Variants in XRN2 observed in about 807,000 individuals in gnomAD.
XRN2 encodes 5'-3' exoribonuclease 2.
In XRN2, 44 loss-of-function variants were observed where a neutral mutation model predicts 138.5. The observed-to-expected ratio is 0.32, with a 90% CI of 0.25 to 0.41. The LOEUF (loss-of-function observed/expected upper bound fraction) is 0.41. XRN2 is among the 10% of genes least tolerant of loss of function. The pLI is 1.00. For missense variants in XRN2, 937 were observed against 1,169.3 expected (o/e 0.80, Z 2.90); for synonymous variants, 354 against 369.4 (o/e 0.96, Z 0.48).
At chr20:21,315,712 T>C (rs1161901857) in intron 1 of XRN2, among the ~76,000 whole-genome samples, 2 of 152,138 alleles carry the variant, frequency 1.3e-5, no homozygotes, top group Non-Finnish European at 2.9e-5. Context: ...CAGGCTGGTC[T>C]CGAATCAACT....
At chr20:21,327,092 A>G (rs1236954190) in intron 3 of XRN2, among the ~76,000 whole-genome samples, 1 of 152,292 alleles carries the variant, frequency 6.6e-6, no homozygotes, top group East Asian at 1.9e-4. Flanking sequence ...AGATTTCTCA[A>G]ATGTGGCAGG....
chr20:21,340,880 T>G (rs933887263), intron 15 of XRN2, 28 bp downstream of exon 15: 3 of 1,613,106 alleles, frequency 1.9e-6, no homozygotes, highest in Non-Finnish European at 2.5e-6. Flanking sequence ...ATGTGACATT[T>G]AAGAGTGGTG....
chr20:21,357,009 A>G (rs1248989312), intron 23 of XRN2, among the ~76,000 whole-genome samples: 1 of 152,214 alleles, frequency 6.6e-6, no homozygotes, highest in East Asian at 1.9e-4. Flanking sequence ...ATAGAAGCAG[A>G]GGAGAGTAGC....
In XRN2 at chr20:21,348,309, T is replaced by C. The variant is rs372739160; in HGVS notation, c.1774-32T>C. The C allele has an allele frequency of 1.6e-5, 26 of 1,612,212 alleles. No homozygotes were observed. The African/African-American group carries it at 2.0e-4, about 12-fold the overall frequency. The stretch of plus-strand genomic sequence containing the variant: ...TATAGAATTCTGGATTAGATAATAA[T>C]CTTGGGTCTTTAATGTTTTTTCTTT... On this transcript the variant is annotated intron_variant, in intron 18 of 29. Transcript: ENST00000377191.
chr20:21,368,559 A>G lies in XRN2; in HGVS notation c.2553A>G (p.Arg851=), dbSNP rs1324211144. The G allele has an allele frequency of 6.2e-7, 1 of 1,614,080 alleles. No homozygotes were observed. The highest frequency in any genetic ancestry group is 1.3e-5 in the African/African-American group (1 of 75,054). ...GAAACTTATACAGGCCGCTTTTGAG[A>G]GGACAAGCCCAGATTCCAAAACTTA... The part of the protein sequence containing the change: ...YQGNLYRPLL[R]GQAQIPKLMS... Residue 851 remains arginine (R), a synonymous_variant, in exon 27 of 30, where the codon AGA becomes AGG. Coordinates refer to ENST00000377191, the MANE Select transcript of XRN2 (RefSeq NM_012255.5).
intron 1 of XRN2, among the ~76,000 whole-genome samples, chr20:21,321,078 C>T (rs142699061): frequency 0.012 from 1,829 of 152,094 alleles, 19 homozygotes; most frequent in Non-Finnish European, 0.02. Flanking sequence ...TGCAGTAGTG[C>T]GATCTTGGCC....
intron 28 of XRN2, among the ~76,000 whole-genome samples, 193 bp downstream of exon 28, chr20:21,382,250 T>C (rs754062287): frequency 1.9e-4 from 29 of 152,220 alleles, no homozygotes; most frequent in Non-Finnish European, 3.1e-4. Context: ...TTTAATATAC[T>C]TTCTTACTTT....
intron 1 of XRN2, among the ~76,000 whole-genome samples, chr20:21,313,266 TAC>T (rs1303445661): frequency 6.6e-6 from 1 of 152,226 alleles, no homozygotes; most frequent in Non-Finnish European, 1.5e-5. Context: ...TGCTGCTCCC[TAC>T]AGTTTCCCCC....
chr20:21,362,634 C>A (rs1388195288), intron 24 of XRN2, among the ~76,000 whole-genome samples: 1 of 152,168 alleles, frequency 6.6e-6, no homozygotes, highest in African/African-American at 2.4e-5. Context: ...TGACTACTTG[C>A]AAAGGCATCA....
At chr20:21,357,881 TG>T in intron 24 of XRN2, 89 bp downstream of exon 24, 1 of 1,131,072 alleles carries the variant, frequency 8.8e-7, no homozygotes, top group Non-Finnish European at 1.3e-6. Flanking sequence ...CACAAGGAAA[TG>T]GCAGCTGTTA....
intron 24 of XRN2, among the ~76,000 whole-genome samples, chr20:21,360,086 T>C (rs1401672100): frequency 6.6e-6 from 1 of 152,154 alleles, no homozygotes; most frequent in East Asian, 1.9e-4. Context: ...ACCTAGGAGA[T>C]CATATTTTTT....
At chr20:21,347,729 G>T (rs969679495) in intron 17 of XRN2, among the ~76,000 whole-genome samples, 2 of 152,192 alleles carry the variant, frequency 1.3e-5, no homozygotes, top group Admixed American at 6.5e-5. Context: ...TTCAACTGCT[G>T]TTCCAATAAT....
At chr20:21,324,765 C>T (rs1057403413) in intron 1 of XRN2, among the ~76,000 whole-genome samples, 2 of 152,196 alleles carry the variant, frequency 1.3e-5, no homozygotes, top group African/African-American at 4.8e-5. Flanking sequence ...TCCGAAGTAG[C>T]TGAGACTACC....
rs535993430 is a variant in XRN2 at position 21,381,243 on chromosome 20, A to G, written c.2585-751A>G. ...CCTCACATGGTGAACTCATTAGACA[A>G]CTTCTGGAACCAGCAGTTTTAATTA... On this transcript the variant is annotated intron_variant, in intron 27 of 29. Coordinates refer to ENST00000377191, the MANE Select transcript of XRN2 (RefSeq NM_012255.5). 2.4e-3 allele frequency among the ~76,000 whole-genome samples: 365 copies of G among 152,328 alleles called. 1 individual carries two copies. The highest frequency in any genetic ancestry group is 4.3e-3 in the Non-Finnish European group (294 of 68,034).
chr20:21,304,432 G>T (rs1476375887), intron 1 of XRN2, among the ~76,000 whole-genome samples: 1 of 145,224 alleles, frequency 6.9e-6, no homozygotes, highest in African/African-American at 2.6e-5. Flanking sequence ...ACTATTTCTT[G>T]TTTTTTTCAA....
At chr20:21,339,267 C>T (rs1401297940) in intron 14 of XRN2, among the ~76,000 whole-genome samples, 179 bp downstream of exon 14, 2 of 152,156 alleles carry the variant, frequency 1.3e-5, no homozygotes, top group African/African-American at 4.8e-5. Flanking sequence ...AGAAGGTCCT[C>T]TAGGCTCTGA....
In XRN2 at chr20:21,326,483, A is replaced by G. The variant is rs368037588; in HGVS notation, c.204-7A>G. On this transcript the variant is annotated splice_region_variant and splice_polypyrimidine_tract_variant and intron_variant, in intron 2 of 29. Transcript: ENST00000377191. ...TATTATATTACATTGTTTGGTTGTCATTATAGACCAGCACCAAAAAATGAA... is the reference window on the plus strand; with the variant it reads ...TATTATATTACATTGTTTGGTTGTCGTTATAGACCAGCACCAAAAAATGAA... 1.2e-6 allele frequency: 2 copies of G among 1,613,826 alleles called. No individual in the cohort carries two copies. The highest frequency in any genetic ancestry group is 1.3e-5 in the African/African-American group (1 of 74,930).
intron 27 of XRN2, among the ~76,000 whole-genome samples, chr20:21,374,198 C>A (rs148380708): frequency 3.2e-4 from 49 of 152,114 alleles, no homozygotes; most frequent in African/African-American, 1.1e-3. Flanking sequence ...TTACTAGATT[C>A]ATTTCTTCTA....
intron 27 of XRN2, among the ~76,000 whole-genome samples, chr20:21,375,187 A>AT (rs760188095): frequency 0.016 from 2,219 of 142,490 alleles, 18 homozygotes; most frequent in Non-Finnish European, 0.022. Context: ...AATCTATTTA[A>AT]TTTTTTTTTT....
Sources: allele counts gnomAD v4.1 joint callset (sites outside exome capture counted in the v4.1 genomes callset), GRCh38; gene constraint gnomAD v4.1.1; transcripts MANE v1.5; gene names NCBI Gene and HGNC (gene_info 2026-07-23, HGNC 2026-07-21).